Variants in RAB27A observed in about 807,000 individuals in gnomAD.
RAB27A encodes RAB27A, member RAS oncogene family.
RAB27A carries 17 observed loss-of-function variants against 20.8 expected under a neutral mutation model. The ratio of observed to expected loss-of-function variants is 0.82; its 90% CI spans 0.56 to 1.23. RAB27A has a LOEUF of 1.23. RAB27A is among the 50% of genes most tolerant of loss of function. RAB27A has a pLI of 0.00. For missense variants in RAB27A, 277 were observed against 266.7 expected (o/e 1.04, Z -0.27); for synonymous variants, 85 against 92.8 (o/e 0.92, Z 0.48).
intron 1 of RAB27A, among the ~76,000 whole-genome samples, chr15:55,281,298 T>A (rs1249891570): frequency 6.6e-6 from 1 of 152,184 alleles, no homozygotes; most frequent in Non-Finnish European, 1.5e-5. Flanking sequence ...CTTTTATATT[T>A]GCTTCACCTG....
chr15:55,239,762 G>C (rs1896406983), intron 2 of RAB27A, among the ~76,000 whole-genome samples: 1 of 152,106 alleles, frequency 6.6e-6, no homozygotes. Context: ...GGCTGGTCTG[G>C]GTTAAAAGAG....
intron 1 of RAB27A, among the ~76,000 whole-genome samples, chr15:55,288,267 TCC>T (rs1041289503): frequency 1.3e-5 from 2 of 152,152 alleles, no homozygotes; most frequent in Non-Finnish European, 2.9e-5. Context: ...AAGCCTATAA[TCC>T]CAGCACTTTG....
At chr15:55,269,603 C>T (rs1441835485) in intron 2 of RAB27A, among the ~76,000 whole-genome samples, 1 of 151,922 alleles carries the variant, frequency 6.6e-6, no homozygotes, top group African/African-American at 2.4e-5. Flanking sequence ...AAAAATTAGC[C>T]AGGCATGGTA....
At chr15:55,294,089 T>G (rs895597147), upstream of RAB27A, among the ~76,000 whole-genome samples, 2 of 151,952 alleles carry the variant, frequency 1.3e-5, no homozygotes, top group African/African-American at 4.8e-5. Context: ...ATTTAAAAAG[T>G]TCATGCTTCC....
intron 2 of RAB27A, among the ~76,000 whole-genome samples, chr15:55,301,645 CT>C (rs754262049): frequency 0.027 from 3,158 of 117,536 alleles, 60 homozygotes; most frequent in African/African-American, 0.096. Flanking sequence ...CCCTAAAAAT[CT>C]TTTTTTTTTT....
chr15:55,268,944 C>T (rs2141093408), intron 2 of RAB27A, among the ~76,000 whole-genome samples: 1 of 152,288 alleles, frequency 6.6e-6, no homozygotes, highest in East Asian at 1.9e-4. Flanking sequence ...AATCCACCCT[C>T]ATGGTCTCTT....
At chr15:55,212,591 G>A (rs1299032401) in intron 6 of RAB27A, among the ~76,000 whole-genome samples, 7 of 147,980 alleles carry the variant, frequency 4.7e-5, no homozygotes, top group Middle Eastern at 3.5e-3. Context: ...GTGCAGTGGC[G>A]CCATCCTGGC....
intron 2 of RAB27A, among the ~76,000 whole-genome samples, chr15:55,253,924 T>C (rs1314280847): frequency 1.3e-5 from 2 of 152,294 alleles, no homozygotes; most frequent in South Asian, 2.1e-4. Flanking sequence ...ACATGGATAA[T>C]TGATAAGTAA....
At chr15:55,284,483 A>G (rs954387009) in intron 1 of RAB27A, among the ~76,000 whole-genome samples, 1 of 152,194 alleles carries the variant, frequency 6.6e-6, no homozygotes, top group African/African-American at 2.4e-5. Context: ...AAAAAATAAA[A>G]CCACATTGAA....
chr15:55,205,635 G>A lies in RAB27A; in HGVS notation c.538C>T (p.Leu180=). ...CACCGTTCCATTCGCTTCATTATCA[G>A]GTCCAGAAGCATCTCAATTGCTTGG... ...ISQAIEMLLD[L]IMKRMERCVD... The change falls in exon 7 of 7, where the codon CTG becomes TTG. Residue 180 remains leucine, a synonymous_variant. Transcript: ENST00000336787. 1 of 1,614,044 alleles carries A rather than the reference G, an allele frequency of 6.2e-7. No individual in the cohort carries two copies. Among genetic ancestry groups the A allele is most frequent in the Non-Finnish European group, 8.5e-7 (1 of 1,179,970 alleles).
At chr15:55,216,134 A>G (rs772955641) in intron 6 of RAB27A, among the ~76,000 whole-genome samples, 2 of 152,174 alleles carry the variant, frequency 1.3e-5, no homozygotes, top group Non-Finnish European at 2.9e-5. Context: ...TAATATTTAA[A>G]GCACTTAGAT....
intron 1 of RAB27A, among the ~76,000 whole-genome samples, chr15:55,280,015 G>GA (rs1897973170): frequency 6.6e-6 from 1 of 152,144 alleles, no homozygotes; most frequent in African/African-American, 2.4e-5. Flanking sequence ...GAGTGGGGCT[G>GA]AAAATCTGCA....
upstream of RAB27A, chr15:55,290,444 A>C (rs1350852088): frequency 6.6e-6 from 1 of 152,282 alleles, no homozygotes; most frequent in Non-Finnish European, 1.5e-5. Context: ...CGCAGGAAAA[A>C]AATCAATGTA....
At chr15:55,216,718 A>G (rs1273834077) in intron 6 of RAB27A, among the ~76,000 whole-genome samples, 1 of 152,164 alleles carries the variant, frequency 6.6e-6, no homozygotes, top group Non-Finnish European at 1.5e-5. Context: ...TAAAATCTAC[A>G]ATACTGCTCT....
In RAB27A at chr15:55,224,019, A is replaced by G. The variant is rs1253751775; in HGVS notation, c.344-7T>C. ...GCATGCATCTGTAGCTGGCCTATTA[A>G]TATAAGAAAGTTTATTATATATGTA... On this transcript the variant is annotated splice_polypyrimidine_tract_variant and splice_region_variant and intron_variant, in intron 5 of 6. Coordinates refer to ENST00000336787, the MANE Select transcript of RAB27A (RefSeq NM_183235.3). 1.1e-5 allele frequency: 17 copies of G among 1,557,130 alleles called. No individual in the cohort carries two copies. The highest frequency in any genetic ancestry group is 1.5e-5 in the Non-Finnish European group (17 of 1,129,298).
chr15:55,309,486 C>T lies in RAB27A; in HGVS notation c.-112+4553G>A, dbSNP rs183714818. Among the ~76,000 whole-genome samples the T allele has an allele frequency of 3.3e-3, 497 of 152,258 alleles. 1 individual carries two copies. The highest frequency in any genetic ancestry group is 0.011 in the African/African-American group (472 of 41,526). ...TCCATGTACCAAAGGACAAGAGTGT[C>T]CAGGTATGAGAACTGGCTTAAGTCT... is the stretch of plus-strand genomic sequence containing the variant. On this transcript the variant is annotated intron_variant, in intron 2 of 5. Coordinates refer to the RAB27A transcript ENST00000563262.
At chr15:55,298,204 CA>C (rs545657585) in intron 2 of RAB27A, among the ~76,000 whole-genome samples, 1,030 of 63,502 alleles carry the variant, frequency 0.016, 10 homozygotes, top group African/African-American at 0.049. Flanking sequence ...GACTCCGTCT[CA>C]AAAAAAAAAA....
intron 1 of RAB27A, among the ~76,000 whole-genome samples, chr15:55,281,046 T>C (rs1898003863): frequency 6.6e-6 from 1 of 152,194 alleles, no homozygotes; most frequent in Non-Finnish European, 1.5e-5. Flanking sequence ...CTGGGTCAAA[T>C]GGTAATTCTA....
At chr15:55,233,199 T>A (rs1896112839) in intron 3 of RAB27A, among the ~76,000 whole-genome samples, 1 of 152,098 alleles carries the variant, frequency 6.6e-6, no homozygotes. Context: ...GCACACAATG[T>A]AGAAAGATGT....
Sources: allele counts gnomAD v4.1 joint callset (sites outside exome capture counted in the v4.1 genomes callset), GRCh38; gene constraint gnomAD v4.1.1; transcripts MANE v1.5; gene names NCBI Gene and HGNC (gene_info 2026-07-23, HGNC 2026-07-21).